Variants in MECOM observed in about 807,000 individuals in gnomAD.
MECOM encodes the protein histone-lysine N-methyltransferase MECOM.
In MECOM, 13 loss-of-function variants were observed where a neutral mutation model predicts 116.3. The ratio of observed to expected loss-of-function variants is 0.11; its 90% confidence interval spans 0.07 to 0.18. The LOEUF (loss-of-function observed/expected upper bound fraction) is 0.18. Ranked by LOEUF, MECOM falls within the 10% of genes least tolerant of loss-of-function variation. The pLI, the probability that MECOM is intolerant of heterozygous loss-of-function variation, is 1.00. For missense variants in MECOM, 1,299 were observed against 1,509.0 expected (o/e 0.86, Z 2.31); for synonymous variants, 528 against 535.2 (o/e 0.99, Z 0.19).
At chr3:169,172,034 A>G (rs775425369) in intron 2 of MECOM, among the ~76,000 whole-genome samples, 1 of 152,178 alleles carries the variant, frequency 6.6e-6, no homozygotes, top group African/African-American at 2.4e-5. Flanking sequence ...GAAACAGGCA[A>G]TACTGATGTA....
chr3:169,201,040 T>A (rs1249299281), intron 2 of MECOM, among the ~76,000 whole-genome samples: 2 of 152,156 alleles, frequency 1.3e-5, no homozygotes, highest in Non-Finnish European at 2.9e-5. Context: ...CTGTAGATAG[T>A]GAGGTCTTTA....
At chr3:169,581,291 A>G (rs2270406) in intron 1 of MECOM, among the ~76,000 whole-genome samples, 35,951 of 151,964 alleles carry the variant, frequency 0.24, 5,118 homozygotes, top group East Asian at 0.7. Flanking sequence ...TTATAGCACT[A>G]TTATCGATAA....
At chr3:169,327,823 G>A (rs918813179) in intron 2 of MECOM, among the ~76,000 whole-genome samples, 1 of 152,054 alleles carries the variant, frequency 6.6e-6, no homozygotes, top group South Asian at 2.1e-4. Context: ...TTAAATAAAT[G>A]TGTCCTCATA....
rs148193418 is a variant in MECOM at position 169,413,827 on chromosome 3, G to C, written c.38-32303C>G. ...GCAGCAAGGCCACTGTAGTCAAACT[G>C]CCTCTCTAGATTCCTCCTCTCTGGG... is the stretch of plus-strand genomic sequence containing the variant. On this transcript the variant is annotated intron_variant, in intron 1 of 16. Transcript: ENST00000651503. Among the ~76,000 whole-genome samples, 1,082 of 152,296 alleles carry C rather than the reference G, an allele frequency of 7.1e-3. 10 individuals are homozygous for C. Among genetic ancestry groups the C allele is most frequent in the African/African-American group, 0.025 (1,027 of 41,568 alleles).
chr3:169,504,150 A>AGTGTGTGT (rs3044764), intron 1 of MECOM, among the ~76,000 whole-genome samples: 14,067 of 132,392 alleles, frequency 0.11, 976 homozygotes, highest in East Asian at 0.19. Context: ...GAAAAAGAGA[A>AGTGTGTGT]GTGTGTGTGT....
At chr3:169,616,343 GT>G (rs1770001283) in intron 1 of MECOM, among the ~76,000 whole-genome samples, 2 of 151,898 alleles carry the variant, frequency 1.3e-5, no homozygotes, top group South Asian at 2.1e-4. Context: ...TTTGGTTTTG[GT>G]TTTTTTGTTT....
At chr3:169,659,654 G>A (rs1776021054) in intron 1 of MECOM, among the ~76,000 whole-genome samples, 2 of 151,918 alleles carry the variant, frequency 1.3e-5, no homozygotes, top group South Asian at 4.1e-4. Context: ...ACAAATAAAA[G>A]TATTTTTTAA....
At chr3:169,502,855 A>G (rs1002275367) in intron 1 of MECOM, among the ~76,000 whole-genome samples, 6 of 152,198 alleles carry the variant, frequency 3.9e-5, no homozygotes, top group African/African-American at 1.2e-4. Context: ...TTATAAAGAT[A>G]TAAACATATT....
intron 2 of MECOM, chr3:169,146,409 C>G: frequency 7.2e-7 from 1 of 1,394,952 alleles, no homozygotes; most frequent in South Asian, 1.1e-5. Context: ...GACAGAGACA[C>G]ACGGAGGGAG....
chr3:169,299,771 G>A (rs1716352138), intron 2 of MECOM, among the ~76,000 whole-genome samples: 2 of 152,094 alleles, frequency 1.3e-5, no homozygotes, highest in Admixed American at 6.5e-5. Context: ...CATTTTTTCT[G>A]GTTAATGTAC....
chr3:169,282,401 C>A (rs185649971), intron 2 of MECOM, among the ~76,000 whole-genome samples: 177 of 152,240 alleles, frequency 1.2e-3, no homozygotes, highest in African/African-American at 3.5e-3. Flanking sequence ...CTGCATAGAC[C>A]TACAATTAGA....
chr3:169,659,249 A>T (rs1775931498), intron 1 of MECOM, among the ~76,000 whole-genome samples: 1 of 151,766 alleles, frequency 6.6e-6, no homozygotes. Flanking sequence ...CAAAAGTCAC[A>T]CTCACTCACA....
chr3:169,085,116 GGT>G, intron 16 of MECOM, 73 bp from the exon 17 acceptor site: 1 of 1,582,316 alleles, frequency 6.3e-7, no homozygotes, highest in Admixed American at 1.7e-5. Flanking sequence ...GAATATTGTT[GGT>G]AAATGGAAAG....
At chr3:169,463,345 T>A (rs538940692) in intron 1 of MECOM, among the ~76,000 whole-genome samples, 2 of 152,292 alleles carry the variant, frequency 1.3e-5, no homozygotes, top group African/African-American at 4.8e-5. Flanking sequence ...AGTTTGTTGT[T>A]CAGATGGTTT....
intron 1 of MECOM, among the ~76,000 whole-genome samples, chr3:169,417,078 A>C (rs1265687697): frequency 2.6e-5 from 4 of 151,872 alleles, no homozygotes. Flanking sequence ...CACCAAAAGC[A>C]ATGGCAACAA....
chr3:169,454,615 G>T (rs1421260477), intron 1 of MECOM, among the ~76,000 whole-genome samples: 1 of 151,916 alleles, frequency 6.6e-6, no homozygotes, highest in Non-Finnish European at 1.5e-5. Flanking sequence ...TAAAGTTCAT[G>T]ATCTTTATTT....
At chr3:169,457,182 G>T (rs1746668195) in intron 1 of MECOM, among the ~76,000 whole-genome samples, 1 of 152,128 alleles carries the variant, frequency 6.6e-6, no homozygotes, top group South Asian at 2.1e-4. Flanking sequence ...TCCCTTCCAA[G>T]CACCCCTTCC....
chr3:169,308,747 T>C (rs1718178448), intron 2 of MECOM, among the ~76,000 whole-genome samples: 1 of 152,226 alleles, frequency 6.6e-6, no homozygotes, highest in Admixed American at 6.5e-5. Context: ...AGCAAACTGT[T>C]TATTTCTTCT....
intron 1 of MECOM, among the ~76,000 whole-genome samples, chr3:169,648,137 C>A (rs991602251): frequency 6.6e-6 from 1 of 152,178 alleles, no homozygotes; most frequent in East Asian, 1.9e-4. Context: ...ACTCCAGAAG[C>A]AGTAGAAGGA....
Sources: gnomAD v4.1 joint callset for allele counts (sites outside exome capture counted in the v4.1 genomes callset) on GRCh38, gnomAD v4.1.1 for gene constraint, MANE v1.5 for transcripts, NCBI Gene and HGNC (gene_info 2026-07-23, HGNC 2026-07-21) for gene names.